The following DGLUCY variants were observed in gnomAD, a reference collection of about 807,000 sequenced individuals.
DGLUCY encodes D-glutamate cyclase, mitochondrial.
DGLUCY carries 58 observed loss-of-function variants against 58.5 expected under a neutral mutation model. That is an observed-to-expected ratio of 0.99 (90% confidence interval 0.80 to 1.23). The LOEUF is 1.23. Among genes scored for constraint, DGLUCY ranks in the 50% most tolerant of loss-of-function variants. The probability of loss-of-function intolerance (pLI) is 0.00; values close to 1 mark genes in which losing one functional copy is unlikely to be tolerated. For synonymous variants in DGLUCY, 325 were observed against 314.1 expected (o/e 1.03, Z -0.37); for missense variants, 779 against 784.7 (o/e 0.99, Z 0.09).
chr14:91,102,489 G>C (rs1003100205), intron 1 of DGLUCY, among the ~76,000 whole-genome samples: 12 of 151,958 alleles, frequency 7.9e-5, no homozygotes, highest in African/African-American at 2.9e-4. Context: ...CTCCTCCTCC[G>C]GCCCCGGGAC....
At chr14:91,061,971 G>A (rs942041531) in intron 1 of DGLUCY, among the ~76,000 whole-genome samples, 3 of 152,222 alleles carry the variant, frequency 2.0e-5, no homozygotes, top group Non-Finnish European at 2.9e-5. Context: ...ACGTAATTCA[G>A]ATAGATGTGA....
At chr14:91,194,544 CT>C (rs541744186) in intron 9 of DGLUCY, among the ~76,000 whole-genome samples, 24,977 of 140,708 alleles carry the variant, frequency 0.18, 2,140 homozygotes, top group Middle Eastern at 0.21. Flanking sequence ...GTGAGGGATC[CT>C]TTTTTTTTTT....
At chr14:91,064,613 ACT>A (rs2043788380) in intron 1 of DGLUCY, among the ~76,000 whole-genome samples, 1 of 137,940 alleles carries the variant, frequency 7.2e-6, no homozygotes, top group African/African-American at 2.7e-5. Context: ...ACACAGTCAG[ACT>A]CTGTCTCAAA....
At chr14:91,127,465 C>G (rs1445041068) in intron 1 of DGLUCY, among the ~76,000 whole-genome samples, 1 of 152,258 alleles carries the variant, frequency 6.6e-6, no homozygotes, top group Non-Finnish European at 1.5e-5. Flanking sequence ...CCCTCTACAC[C>G]CCGTTCTCCC....
At chr14:91,065,240 C>A (rs897220153) in intron 1 of DGLUCY, among the ~76,000 whole-genome samples, 2 of 152,154 alleles carry the variant, frequency 1.3e-5, no homozygotes, top group Non-Finnish European at 2.9e-5. Flanking sequence ...TAGCACAGGG[C>A]TCCAGTGGAG....
upstream of DGLUCY, among the ~76,000 whole-genome samples, chr14:91,111,441 C>T (rs2044700178): frequency 6.6e-6 from 1 of 152,018 alleles, no homozygotes; most frequent in African/African-American, 2.4e-5. Context: ...CACTACCACA[C>T]CCAGCTAATT....
At chr14:91,201,659 G>A (rs1227517593) in intron 11 of DGLUCY, among the ~76,000 whole-genome samples, 2 of 151,974 alleles carry the variant, frequency 1.3e-5, no homozygotes, top group African/African-American at 2.4e-5. Flanking sequence ...GCTCAGCCTG[G>A]TCTCGAACTC....
At chr14:91,143,815 A>G (rs2046868852) in intron 1 of DGLUCY, among the ~76,000 whole-genome samples, 1 of 152,214 alleles carries the variant, frequency 6.6e-6, no homozygotes, top group South Asian at 2.1e-4. Context: ...TAATCTTCCA[A>G]TAACCCAGAG....
At chr14:91,098,071 C>A (rs1022738485) in intron 1 of DGLUCY, among the ~76,000 whole-genome samples, 4 of 152,212 alleles carry the variant, frequency 2.6e-5, no homozygotes, top group African/African-American at 9.6e-5. Flanking sequence ...CTAGGAAATG[C>A]CCCACAGGCC....
rs752548940 is a variant in DGLUCY, at chr14:91,199,742, T to C, written c.1296-15T>C. The C allele has an allele frequency of 8.1e-6, 13 of 1,613,798 alleles. No homozygotes were observed. In the Admixed American group the frequency reaches 2.2e-4, roughly 27 times the overall value. ...CCATAGGACCCTCTGACCTCTGACCTTTGCTTCCCGGCAGATTTGACCACC... is the reference window on the plus strand; with the variant it reads ...CCATAGGACCCTCTGACCTCTGACCCTTGCTTCCCGGCAGATTTGACCACC... On this transcript the variant is annotated splice_polypyrimidine_tract_variant and intron_variant, in intron 10 of 13. Coordinates refer to ENST00000256324, the MANE Select transcript of DGLUCY (RefSeq NM_001102368.3).
chr14:91,211,018 A>G (rs1476922461), intron 12 of DGLUCY, among the ~76,000 whole-genome samples: 2 of 152,260 alleles, frequency 1.3e-5, no homozygotes, highest in Non-Finnish European at 2.9e-5. Flanking sequence ...GTATGGTTGC[A>G]AGATACAAAG....
intron 1 of DGLUCY, among the ~76,000 whole-genome samples, chr14:91,136,995 G>A (rs573957303): frequency 1.3e-5 from 2 of 152,040 alleles, no homozygotes; most frequent in Non-Finnish European, 2.9e-5. Flanking sequence ...AGACCCCCAA[G>A]CCTCAGGGAA....
At chr14:91,109,928 C>T (rs1299624101), upstream of DGLUCY, among the ~76,000 whole-genome samples, 1 of 152,218 alleles carries the variant, frequency 6.6e-6, no homozygotes, top group Non-Finnish European at 1.5e-5. Context: ...TTGGGAAAAA[C>T]ATCTTGAGTT....
At chr14:91,172,477 A>C (rs1047618534) in intron 5 of DGLUCY, among the ~76,000 whole-genome samples, 1 of 152,194 alleles carries the variant, frequency 6.6e-6, no homozygotes, top group East Asian at 1.9e-4. Context: ...CTGTGACTTC[A>C]TGGCTGGCAA....
intron 9 of DGLUCY, among the ~76,000 whole-genome samples, chr14:91,190,969 C>A (rs2049850247): frequency 6.6e-6 from 1 of 152,112 alleles, no homozygotes; most frequent in African/African-American, 2.4e-5. Flanking sequence ...CATGGCACAT[C>A]CCTTCAGCCG....
chr14:91,170,992 G>T (rs2048547108), intron 5 of DGLUCY, among the ~76,000 whole-genome samples: 1 of 152,188 alleles, frequency 6.6e-6, no homozygotes, highest in Non-Finnish European at 1.5e-5. Flanking sequence ...CCCATAGTCT[G>T]TGCTGCCTTC....
chr14:91,205,842 C>CAT, intron 12 of DGLUCY, among the ~76,000 whole-genome samples: 1 of 70,732 alleles, frequency 1.4e-5, no homozygotes, highest in East Asian at 4.6e-4. Flanking sequence ...TCTTCTTCTT[C>CAT]TTTTTTTTTT....
chr14:91,181,429 G>A lies in DGLUCY; in HGVS notation c.934+40G>A, dbSNP rs370564699. 32 of 1,578,010 alleles carry A rather than the reference G, an allele frequency of 2.0e-5. No homozygotes were observed. In the East Asian group the frequency reaches 2.3e-4, roughly 11 times the overall value. On this transcript the variant is annotated intron_variant, in intron 8 of 13. Coordinates refer to ENST00000256324, the MANE Select transcript of DGLUCY (RefSeq NM_001102368.3). ...ATTTGCTCGGCATAGACCCAGGTAA[G>A]AAACAACACATTTGCACCTGGAGAA...
At chr14:91,168,179 T>C (rs1327215818) in intron 4 of DGLUCY, among the ~76,000 whole-genome samples, 3 of 151,832 alleles carry the variant, frequency 2.0e-5, no homozygotes, top group Non-Finnish European at 4.4e-5. Context: ...CTGAGGAGGA[T>C]TGCTTGAGAC....
Sources: allele counts gnomAD v4.1 joint callset (sites outside exome capture counted in the v4.1 genomes callset), GRCh38; gene constraint gnomAD v4.1.1; transcripts MANE v1.5; gene names NCBI Gene and HGNC (gene_info 2026-07-23, HGNC 2026-07-21).